TMEM74: variants seen among roughly 807,000 people sequenced by gnomAD.
TMEM74 encodes transmembrane protein 74.
Under a neutral mutation model 18.1 loss-of-function variants are expected in TMEM74, and 13 were observed. The ratio of observed to expected loss-of-function variants is 0.72; its 90% confidence interval spans 0.47 to 1.14. The LOEUF (loss-of-function observed/expected upper bound fraction) is 1.14. Among genes scored for constraint, TMEM74 ranks in the 50% most tolerant of loss-of-function variants. The pLI is 0.00. For missense variants in TMEM74, 372 were observed against 375.9 expected (o/e 0.99, Z 0.09); for synonymous variants, 159 against 146.6 (o/e 1.08, Z -0.61).
chr8:108,694,802 T>C (rs1358779892), intron 1 of TMEM74, among the ~76,000 whole-genome samples: 1 of 152,202 alleles, frequency 6.6e-6, no homozygotes, highest in Non-Finnish European at 1.5e-5. Flanking sequence ...TGAAGTTTAG[T>C]TCCTGAACTT....
At chr8:108,659,750 A>G (rs1360481348) in intron 1 of TMEM74, among the ~76,000 whole-genome samples, 3 of 152,146 alleles carry the variant, frequency 2.0e-5, no homozygotes, top group African/African-American at 7.2e-5. Flanking sequence ...CCCCTCAAGG[A>G]GGACTTGTAT....
chr8:108,625,514 G>T (rs143834035), intron 2 of TMEM74, among the ~76,000 whole-genome samples: 3 of 152,020 alleles, frequency 2.0e-5, no homozygotes, highest in African/African-American at 7.2e-5. Context: ...ATCTTGGACC[G>T]TTCTAGATTT....
At chr8:108,682,826 T>C (rs979304447) in intron 1 of TMEM74, among the ~76,000 whole-genome samples, 1 of 152,042 alleles carries the variant, frequency 6.6e-6, no homozygotes, top group African/African-American at 2.4e-5. Flanking sequence ...CAACTCCTGC[T>C]GAAATTGGAG....
At chr8:108,711,482 C>A (rs1242182282) in intron 1 of TMEM74, among the ~76,000 whole-genome samples, 1 of 152,204 alleles carries the variant, frequency 6.6e-6, no homozygotes, top group Non-Finnish European at 1.5e-5. Flanking sequence ...ACAACCTTTT[C>A]TTCTCAGCAA....
intron 1 of TMEM74, among the ~76,000 whole-genome samples, chr8:108,660,449 T>C (rs1226731208): frequency 3.9e-5 from 6 of 152,142 alleles, no homozygotes; most frequent in Non-Finnish European, 8.8e-5. Context: ...AGATGCCAAG[T>C]CTTATTTTTC....
chr8:108,709,313 T>C (rs1289907960), intron 1 of TMEM74, among the ~76,000 whole-genome samples: 1 of 152,166 alleles, frequency 6.6e-6, no homozygotes. Context: ...ACGAGAAATG[T>C]AGCATACACG....
chr8:108,720,156 G>T (rs544431992), intron 1 of TMEM74, among the ~76,000 whole-genome samples: 18 of 151,610 alleles, frequency 1.2e-4, no homozygotes, highest in African/African-American at 4.1e-4. Context: ...CACTCCACAA[G>T]GGTGGGCAGA....
chr8:108,690,402 C>T (rs1409704067), intron 1 of TMEM74, among the ~76,000 whole-genome samples: 9 of 150,834 alleles, frequency 6.0e-5, no homozygotes, highest in Non-Finnish European at 1.2e-4. Context: ...TTTTTTTAGT[C>T]CCCCAGTGTT....
At chr8:108,680,538 T>C (rs1813102528) in intron 1 of TMEM74, among the ~76,000 whole-genome samples, 1 of 152,204 alleles carries the variant, frequency 6.6e-6, no homozygotes, top group South Asian at 2.1e-4. Context: ...GAGCTATCTA[T>C]GACAAACCCA....
chr8:108,633,834 C>T (rs1243558248), intron 2 of TMEM74, among the ~76,000 whole-genome samples: 2 of 151,952 alleles, frequency 1.3e-5, no homozygotes, highest in Admixed American at 6.6e-5. Context: ...GCAACTAAAC[C>T]TCTTTTGCTT....
chr8:108,651,672 T>C (rs763674181), intron 2 of TMEM74, among the ~76,000 whole-genome samples: 3 of 152,054 alleles, frequency 2.0e-5, no homozygotes, highest in Non-Finnish European at 2.9e-5. Context: ...TGTGTGTATG[T>C]GTGTGGTTGG....
intron 1 of TMEM74, among the ~76,000 whole-genome samples, chr8:108,661,942 A>G (rs1812904031): frequency 6.6e-6 from 1 of 152,184 alleles, no homozygotes. Context: ...GAGACTGGTG[A>G]AAAAGGATGA....
intron 2 of TMEM74, among the ~76,000 whole-genome samples, chr8:108,634,156 T>G (rs1342656851): frequency 6.6e-6 from 1 of 151,892 alleles, no homozygotes; most frequent in African/African-American, 2.4e-5. Flanking sequence ...AGTGTTTTTA[T>G]GGCCATATGA....
rs548715666 is a variant in TMEM74, at chr8:108,686,138, TA to T, written n.120-30702del. On this transcript the variant is annotated intron_variant and non_coding_transcript_variant, in intron 1 of 3. Transcript: ENST00000518838. ...TGAACAAAAAAATGCAAGAATATCC[TA>T]AAAAAAATTAAGCAAGATAAACAAT... is the stretch of plus-strand genomic sequence containing the variant. 5.3e-5 allele frequency among the ~76,000 whole-genome samples: 8 copies of T among 151,958 alleles called. 1 individual carries two copies. Among genetic ancestry groups the T allele is most frequent in the South Asian group, 4.2e-4 (2 of 4,814 alleles).
intron 1 of TMEM74, among the ~76,000 whole-genome samples, chr8:108,676,938 C>T (rs990906984): frequency 2.0e-5 from 3 of 152,168 alleles, no homozygotes; most frequent in Admixed American, 1.3e-4. Flanking sequence ...CTTAGAAAGT[C>T]TTATAGATGT....
intron 1 of TMEM74, among the ~76,000 whole-genome samples, chr8:108,766,730 G>T (rs1277968032): frequency 2.6e-5 from 4 of 152,174 alleles, no homozygotes; most frequent in Non-Finnish European, 5.9e-5. Flanking sequence ...AAGTTGAGGT[G>T]CAAGGAAGCC....
chr8:108,759,913 A>T (rs1417297475), intron 1 of TMEM74, among the ~76,000 whole-genome samples: 1 of 152,088 alleles, frequency 6.6e-6, no homozygotes, highest in Non-Finnish European at 1.5e-5. Context: ...CATGATGTAA[A>T]GCATGGCTTA....
chr8:108,673,104 G>A (rs1044476423), intron 1 of TMEM74, among the ~76,000 whole-genome samples: 2 of 152,132 alleles, frequency 1.3e-5, no homozygotes, highest in African/African-American at 2.4e-5. Flanking sequence ...AAGAAAATTG[G>A]ATCCACTGTA....
chr8:108,608,029 C>T lies in TMEM74; in HGVS notation n.340-264G>A, dbSNP rs534278070. On this transcript the variant is annotated intron_variant and non_coding_transcript_variant, in intron 3 of 3. Coordinates refer to the TMEM74 transcript ENST00000518838. ...CTATGTAGAGAACTAAACGGCCAGGCGCAGTGGCTCACACCTGTAATCCCA... is the reference window on the plus strand; with the variant it reads ...CTATGTAGAGAACTAAACGGCCAGGTGCAGTGGCTCACACCTGTAATCCCA... Among the ~76,000 whole-genome samples the T allele has an allele frequency of 3.9e-5, 6 of 152,048 alleles. No homozygotes were observed. In the South Asian group the frequency reaches 8.3e-4, roughly 21 times the overall value.
Sources: allele counts gnomAD v4.1 joint callset (sites outside exome capture counted in the v4.1 genomes callset), GRCh38; gene constraint gnomAD v4.1.1; transcripts MANE v1.5; gene names NCBI Gene and HGNC (gene_info 2026-07-23, HGNC 2026-07-21).